The following TAS2R39 variants were observed in gnomAD, a reference collection of about 807,000 sequenced individuals.
The protein encoded by TAS2R39 is taste 2 receptor member 39, also known as taste receptor type 2 member 39.
In TAS2R39, 22 loss-of-function variants were observed where a neutral mutation model predicts 20.5. That is an observed-to-expected ratio of 1.08 (90% CI 0.77 to 1.54). TAS2R39 has a LOEUF of 1.54. Ranked by LOEUF, TAS2R39 falls within the 40% of genes most tolerant of loss-of-function variation. TAS2R39 has a pLI of 0.00. For synonymous variants in TAS2R39, 128 were observed against 147.7 expected, an observed-to-expected ratio of 0.87 and a Z score of 0.97; for missense variants, 362 against 398.6, an observed-to-expected ratio of 0.91 and a Z score of 0.78.
chr7:143,184,247 GCT>G, the TAS2R39 span: 6 of 1,613,680 alleles, frequency 3.7e-6, no homozygotes, highest in Non-Finnish European at 5.1e-6. Context: ...CAATGCAGTT[GCT>G]CTGTTTATCT....
Position 143,183,485 on chromosome 7 carries a change from G to A in TAS2R39, c.67G>A (p.Asp23Asn), listed in dbSNP as rs748678979. The A allele has an allele frequency of 8.1e-6, 13 of 1,612,996 alleles. No individual in the cohort carries two copies. The highest frequency in any genetic ancestry group is 3.3e-5 in the South Asian group (3 of 91,078). ...KQQLRMTKLCDPAESELSPFL... is the reference protein window; with the variant it reads ...KQQLRMTKLCNPAESELSPFL... ...ACAGCTCAGAATGACTAAACTCTGCGATCCTGCAGAAAGTGAATTGTCGCC... is the reference window on the plus strand; with the variant it reads ...ACAGCTCAGAATGACTAAACTCTGCAATCCTGCAGAAAGTGAATTGTCGCC... The change falls in exon 1 of 1, where the codon GAT (aspartate) becomes AAT (asparagine). Residue 23 changes from aspartate (D) to asparagine (N), a missense_variant. Asp to Asn is a conservative substitution (Grantham distance 23). Coordinates refer to ENST00000446620, the MANE Select transcript of TAS2R39 (RefSeq NM_176881.2).
At position 143,184,363 on chromosome 7, in the gene TAS2R39, C is replaced by A; in HGVS notation, c.945C>A (p.Asn315Lys). The change falls in exon 1 of 1, where the codon AAC becomes AAA. Residue 315 changes from asparagine to lysine, a missense_variant. Coordinates refer to ENST00000446620, the MANE Select transcript of TAS2R39 (RefSeq NM_176881.2). ...ASHSILLIQD[N>K]PGLRRAWKRL... ...ACTCAATTCTACTGATTCAAGATAA[C>A]CCTGGGCTGAGAAGAGCCTGGAAGC... The A allele has an allele frequency of 3.7e-6, 6 of 1,613,492 alleles. No homozygotes were observed. The highest frequency in any genetic ancestry group is 4.2e-6 in the Non-Finnish European group (5 of 1,179,620).
Position 143,184,309 on chromosome 7 carries a change from G to C in TAS2R39, c.891G>C (p.Gln297His). 6.2e-7 allele frequency: 1 copy of C among 1,613,674 alleles called. No individual in the cohort carries two copies. The highest frequency in any genetic ancestry group is 8.5e-7 in the Non-Finnish European group (1 of 1,179,716). Residue 297 changes from glutamine (Q) to histidine (H), a missense_variant, in exon 1 of 1, where the codon CAG (glutamine) becomes CAC (histidine). By Grantham distance (24) the Gln-to-His change is conservative (BLOSUM62 0). Coordinates refer to ENST00000446620, the MANE Select transcript of TAS2R39 (RefSeq NM_176881.2). Reference protein sequence around the residue: ...DINSLWNNLCQIIMAAYPASH... With the variant: ...DINSLWNNLCHIIMAAYPASH... ...ACAGTCTGTGGAATAATTTGTGCCA[G>C]ATCATCATGGCTGCCTACCCTGCCA... is the stretch of plus-strand genomic sequence containing the variant.
chr7:143,184,033 T>G lies in TAS2R39; in HGVS notation c.615T>G (p.Asn205Lys). 1 of 1,613,738 alleles carries G rather than the reference T, an allele frequency of 6.2e-7. No individual in the cohort carries two copies. The highest frequency in any genetic ancestry group is 2.2e-5 in the East Asian group (1 of 44,882). The change falls in exon 1 of 1, where the codon AAT becomes AAG. Residue 205 changes from asparagine (N) to lysine (K), a missense_variant. Coordinates refer to ENST00000446620, the MANE Select transcript of TAS2R39 (RefSeq NM_176881.2). The part of the protein sequence containing the change: ...STKKTYLSEI[N>K]VVGLAFFFNL... ...AGAAAACATACTTGTCTGAGATCAATGTGGTCGGTCTGGCTTTTTTCTTTA... is the reference window on the plus strand; with the variant it reads ...AGAAAACATACTTGTCTGAGATCAAGGTGGTCGGTCTGGCTTTTTTCTTTA...
In TAS2R39 at chr7:143,184,127, A is replaced by G. The variant is rs1586388244; in HGVS notation, c.709A>G (p.Arg237Gly). ...CACCCTGCTGATCCTCTCTCTCAAG[A>G]GACACACCCTACACATGGGAAGCAA... ...TATLLILSLK[R>G]HTLHMGSNAT... The change falls in exon 1 of 1, where the codon AGA (arginine) becomes GGA (glycine). Residue 237 changes from arginine to glycine, a missense_variant. Physicochemically the swap from Arg to Gly is moderately radical, Grantham distance 125. Coordinates refer to ENST00000446620, the MANE Select transcript of TAS2R39 (RefSeq NM_176881.2). 6.2e-7 allele frequency: 1 copy of G among 1,613,604 alleles called. No homozygotes were observed. The highest frequency in any genetic ancestry group is 1.3e-5 in the African/African-American group (1 of 74,856).
In TAS2R39 at chr7:143,183,647, G is replaced by A; in HGVS notation, c.229G>A (p.Val77Ile). 6.2e-7 allele frequency: 1 copy of A among 1,613,540 alleles called. No homozygotes were observed. The highest frequency in any genetic ancestry group is 8.5e-7 in the Non-Finnish European group (1 of 1,179,616). ...KAVSTSGRIL[V>I]FLSVSRIALQ... ...AGTTTCCACAAGTGGCAGGATCCTG[G>A]TTTTCCTGAGTGTATCCAGAATAGC... The change falls in exon 1 of 1, where the codon GTT becomes ATT. Residue 77 changes from valine (V) to isoleucine (I), a missense_variant. Physicochemically the swap from Val to Ile is conservative, Grantham distance 29. Transcript: ENST00000446620.
In TAS2R39 at chr7:143,183,494, G is replaced by A. The variant is rs1375098016; in HGVS notation, c.76G>A (p.Glu26Lys). Residue 26 changes from glutamate (E) to lysine (K), a missense_variant, in exon 1 of 1, where the codon GAA becomes AAA. Glu to Lys is a moderately conservative substitution (Grantham distance 56). Transcript: ENST00000446620. ...LRMTKLCDPA[E>K]SELSPFLITL... ...AATGACTAAACTCTGCGATCCTGCAGAAAGTGAATTGTCGCCATTTCTCAT... is the reference window on the plus strand; with the variant it reads ...AATGACTAAACTCTGCGATCCTGCAAAAAGTGAATTGTCGCCATTTCTCAT... 3.1e-6 allele frequency: 5 copies of A among 1,613,098 alleles called. No individual in the cohort carries two copies. The highest frequency in any genetic ancestry group is 1.7e-5 in the Admixed American group (1 of 59,940).
At position 143,183,423 on chromosome 7, in the gene TAS2R39, T is replaced by C. The variant is rs200380921; in HGVS notation, c.5T>C (p.Leu2Pro). Residue 2 changes from leucine (L) to proline (P), a missense_variant, in exon 1 of 1, where the codon CTA becomes CCA. Transcript: ENST00000446620. ...TATCAAGAGTCTGCCCATCAAATGC[T>C]AGGGAGATGTTTTCCTCCAGACACC... is the stretch of plus-strand genomic sequence containing the variant. M[L>P]GRCFPPDTKE... The C allele has an allele frequency of 6.2e-7, 1 of 1,610,474 alleles. No homozygotes were observed. The highest frequency in any genetic ancestry group is 1.3e-5 in the African/African-American group (1 of 74,860).
chr7:143,184,134 C>T lies in TAS2R39; in HGVS notation c.716C>T (p.Thr239Ile), dbSNP rs899349977. Residue 239 changes from threonine (T) to isoleucine (I), a missense_variant, in exon 1 of 1, where the codon ACC becomes ATC. Coordinates refer to ENST00000446620, the MANE Select transcript of TAS2R39 (RefSeq NM_176881.2). ...CTGATCCTCTCTCTCAAGAGACACA[C>T]CCTACACATGGGAAGCAATGCCACA... is the stretch of plus-strand genomic sequence containing the variant. ...TLLILSLKRHTLHMGSNATGS... is the reference protein window; with the variant it reads ...TLLILSLKRHILHMGSNATGS... 5.0e-6 allele frequency: 8 copies of T among 1,613,750 alleles called. No individual in the cohort carries two copies. Among genetic ancestry groups the T allele is most frequent in the Non-Finnish European group, 5.1e-6 (6 of 1,179,766 alleles).
At position 143,183,882 on chromosome 7, in the gene TAS2R39, C is replaced by T; in HGVS notation, c.464C>T (p.Thr155Ile). 2 of 1,613,526 alleles carry T rather than the reference C, an allele frequency of 1.2e-6. No individual in the cohort carries two copies. Among genetic ancestry groups the T allele is most frequent in the South Asian group, 1.1e-5 (1 of 91,066 alleles). Residue 155 changes from threonine (T) to isoleucine (I), a missense_variant, in exon 1 of 1, where the codon ACT becomes ATT. Physicochemically the swap from Thr to Ile is moderately conservative, Grantham distance 89. Transcript: ENST00000446620. The stretch of plus-strand genomic sequence containing the variant: ...TTCCTCAAACTGAGGTGGAGAATTA[C>T]TGGATTGATACCCTGGCTTCTGTGG... ...PLFLKLRWRITGLIPWLLWLS... is the reference protein window; with the variant it reads ...PLFLKLRWRIIGLIPWLLWLS...
rs34169190 is a variant in TAS2R39, at chr7:143,184,007, A to G, written c.589A>G (p.Lys197Glu). 1,105 of 1,613,516 alleles carry G rather than the reference A, an allele frequency of 6.8e-4. 17 individuals are homozygous for G. The African/African-American group carries it at 0.013, about 19-fold the overall frequency. Residue 197 changes from lysine (K) to glutamate (E), a missense_variant, in exon 1 of 1, where the codon AAG (lysine) becomes GAG (glutamate). By Grantham distance (56) the Lys-to-Glu change is moderately conservative. Coordinates refer to ENST00000446620, the MANE Select transcript of TAS2R39 (RefSeq NM_176881.2). ...SFPIHSSNST[K>E]KTYLSEINVV... ...CCCTATCCACTCCTCCAACTCCACT[A>G]AGAAAACATACTTGTCTGAGATCAA...
chr7:143,184,066 G>T lies in TAS2R39; in HGVS notation c.648G>T (p.Gly216=). Residue 216 remains glycine, a synonymous_variant, in exon 1 of 1, where the codon GGG becomes GGT. Transcript: ENST00000446620. The part of the protein sequence containing the change: ...VVGLAFFFNL[G]IVTPLIMFIL... ...GTCTGGCTTTTTTCTTTAACCTGGG[G>T]ATTGTGACTCCTCTGATCATGTTCA... The T allele has an allele frequency of 6.2e-7, 1 of 1,613,608 alleles. No homozygotes were observed. Among genetic ancestry groups the T allele is most frequent in the Non-Finnish European group, 8.5e-7 (1 of 1,179,744 alleles).
In TAS2R39 at chr7:143,183,943, C is replaced by G. The variant is rs750298506; in HGVS notation, c.525C>G (p.Phe175Leu). The G allele has an allele frequency of 3.7e-6, 6 of 1,613,344 alleles. No homozygotes were observed. The highest frequency in any genetic ancestry group is 1.3e-5 in the African/African-American group (1 of 74,822). The stretch of plus-strand genomic sequence containing the variant: ...TTATTTCCTTCAGTCACAGCATGTT[C>G]TGCATCAACATCTGCACTGTGTATT... ...SVFISFSHSM[F>L]CINICTVYCN... Residue 175 changes from phenylalanine (F) to leucine (L), a missense_variant, in exon 1 of 1, where the codon TTC (phenylalanine) becomes TTG (leucine). Transcript: ENST00000446620.
Position 143,184,396 on chromosome 7 carries a change from G to A in TAS2R39, c.978G>A (p.Gln326=). The part of the protein sequence containing the change: ...PGLRRAWKRL[Q]LRLHLYPKEW... ...TGAGAAGAGCCTGGAAGCGGCTTCA[G>A]CTTCGACTTCATCTTTACCCAAAAG... Residue 326 remains glutamine, a synonymous_variant, in exon 1 of 1, where the codon CAG becomes CAA. Transcript: ENST00000446620. The A allele has an allele frequency of 6.2e-7, 1 of 1,611,926 alleles. No individual in the cohort carries two copies. The highest frequency in any genetic ancestry group is 8.5e-7 in the Non-Finnish European group (1 of 1,178,810).
In TAS2R39 at chr7:143,183,428, A is replaced by G; in HGVS notation, c.10A>G (p.Arg4Gly). The G allele has an allele frequency of 6.2e-7, 1 of 1,611,334 alleles. No homozygotes were observed. Among genetic ancestry groups the G allele is most frequent in the East Asian group, 2.2e-5 (1 of 44,882 alleles). MLG[R>G]CFPPDTKEKQ... is the part of the protein sequence containing the mutation. ...AGAGTCTGCCCATCAAATGCTAGGG[A>G]GATGTTTTCCTCCAGACACCAAAGA... The change falls in exon 1 of 1, where the codon AGA becomes GGA. Residue 4 changes from arginine (R) to glycine (G), a missense_variant. Physicochemically the swap from Arg to Gly is moderately radical, Grantham distance 125. Transcript: ENST00000446620.
chr7:143,184,276 T>C lies in TAS2R39; in HGVS notation c.858T>C (p.Phe286=), dbSNP rs780570450. ...TGTTTATCTACCTGTCCAACATGTT[T>C]GACATCAACAGTCTGTGGAATAATT... ...VALFIYLSNM[F]DINSLWNNLC... The change falls in exon 1 of 1, where the codon TTT becomes TTC. Residue 286 remains phenylalanine, a synonymous_variant. Transcript: ENST00000446620. The C allele has an allele frequency of 5.6e-6, 9 of 1,613,648 alleles. No homozygotes were observed. In the African/African-American group the frequency reaches 1.1e-4, roughly 19 times the overall value.
Position 143,183,933 on chromosome 7 carries a change from A to G in TAS2R39, c.515A>G (p.His172Arg). ...LWLSVFISFS[H>R]SMFCINICTV... Reference sequence around the variant, plus strand: ...CTGTCCGTGTTTATTTCCTTCAGTCACAGCATGTTCTGCATCAACATCTGC... The same window carrying G: ...CTGTCCGTGTTTATTTCCTTCAGTCGCAGCATGTTCTGCATCAACATCTGC... The change falls in exon 1 of 1, where the codon CAC becomes CGC. Residue 172 changes from histidine (H) to arginine (R), a missense_variant. By Grantham distance (29) the His-to-Arg change is conservative. Coordinates refer to ENST00000446620, the MANE Select transcript of TAS2R39 (RefSeq NM_176881.2). 1 of 1,613,402 alleles carries G rather than the reference A, an allele frequency of 6.2e-7. No individual in the cohort carries two copies. Among genetic ancestry groups the G allele is most frequent in the East Asian group, 2.2e-5 (1 of 44,870 alleles).
chr7:143,183,744 T>C lies in TAS2R39; in HGVS notation c.326T>C (p.Val109Ala), dbSNP rs1169120539. ...TSLSFYSEDA[V>A]YYAFKISFIF... ...CTAAGTTTTTATTCTGAAGACGCTGTATATTATGCATTCAAAATAAGTTTT... is the reference window on the plus strand; with the variant it reads ...CTAAGTTTTTATTCTGAAGACGCTGCATATTATGCATTCAAAATAAGTTTT... The change falls in exon 1 of 1, where the codon GTA becomes GCA. Residue 109 changes from valine to alanine, a missense_variant. Val to Ala is a moderately conservative substitution (Grantham distance 64). Coordinates refer to ENST00000446620, the MANE Select transcript of TAS2R39 (RefSeq NM_176881.2). The C allele has an allele frequency of 1.9e-6, 3 of 1,613,438 alleles. 1 individual carries two copies. The highest frequency in any genetic ancestry group is 2.5e-6 in the Non-Finnish European group (3 of 1,179,558).
At chr7:143,184,114 CCT>C in the TAS2R39 span, 29 of 1,613,658 alleles carry the variant, frequency 1.8e-5, no homozygotes, top group Non-Finnish European at 1.7e-6. Flanking sequence ...CCCTGCTGAT[CCT>C]CTCTCTCAAG....
Sources: gnomAD v4.1 joint callset for allele counts on GRCh38, gnomAD v4.1.1 for gene constraint, MANE v1.5 for transcripts, NCBI Gene and HGNC (gene_info 2026-07-23, HGNC 2026-07-21) for gene names.